The following SPRED2 variants were observed in gnomAD, a reference collection of about 807,000 sequenced individuals.
SPRED2 encodes sprouty-related, EVH1 domain-containing protein 2.
Under a neutral mutation model 43.0 loss-of-function variants are expected in SPRED2, and 47 were observed. The ratio of observed to expected loss-of-function variants is 1.09; its 90% confidence interval spans 0.87 to 1.40. The LOEUF (loss-of-function observed/expected upper bound fraction) is 1.40, where lower values mean the gene tolerates loss of function less well. Ranked by LOEUF, SPRED2 falls within the 40% of genes most tolerant of loss-of-function variation. The pLI, the probability that SPRED2 is intolerant of heterozygous loss-of-function variation, is 0.00. For synonymous variants in SPRED2, 225 were observed against 225.7 expected (o/e 1.00, Z 0.03); for missense variants, 561 against 586.4 (o/e 0.96, Z 0.45).
chr2:65,321,243 T>C (rs528381359), intron 4 of SPRED2, among the ~76,000 whole-genome samples: 59 of 152,272 alleles, frequency 3.9e-4, no homozygotes, highest in African/African-American at 1.2e-3. Context: ...GGCATTGCCA[T>C]CTGGCCCCAG....
chr2:65,322,362 C>T (rs1042334383), intron 4 of SPRED2, among the ~76,000 whole-genome samples: 28 of 141,868 alleles, frequency 2.0e-4, no homozygotes, highest in Non-Finnish European at 3.6e-4. Flanking sequence ...GGCACGATCT[C>T]GGCTCACTGT....
chr2:65,334,317 A>G (rs1223995463), intron 3 of SPRED2: 2 of 520,564 alleles, frequency 3.8e-6, no homozygotes, highest in Non-Finnish European at 7.7e-6. Flanking sequence ...GGACAAGGTG[A>G]AAGCAGTCAA....
intron 1 of SPRED2, among the ~76,000 whole-genome samples, chr2:65,358,475 T>C (rs1019249825): frequency 6.6e-6 from 1 of 152,226 alleles, no homozygotes; most frequent in Non-Finnish European, 1.5e-5. Flanking sequence ...GCCTTATCAG[T>C]TGACTCAACA....
intron 1 of SPRED2, among the ~76,000 whole-genome samples, chr2:65,362,064 G>A (rs772244563): frequency 4.6e-5 from 7 of 152,196 alleles, no homozygotes; most frequent in Non-Finnish European, 8.8e-5. Context: ...TCATCTCTTC[G>A]ATTGAAATCA....
chr2:65,351,970 G>C (rs1674525704), intron 1 of SPRED2, among the ~76,000 whole-genome samples: 2 of 152,194 alleles, frequency 1.3e-5, no homozygotes, highest in African/African-American at 4.8e-5. Flanking sequence ...ATGCATGGTG[G>C]TAACATGATT....
chr2:65,322,363 G>A (rs903370275), intron 4 of SPRED2, among the ~76,000 whole-genome samples: 2 of 137,940 alleles, frequency 1.4e-5, no homozygotes, highest in African/African-American at 2.7e-5. Context: ...GCACGATCTC[G>A]GCTCACTGTA....
At chr2:65,423,360 C>T (rs1227639980) in intron 1 of SPRED2, among the ~76,000 whole-genome samples, 1 of 152,182 alleles carries the variant, frequency 6.6e-6, no homozygotes, top group Admixed American at 6.5e-5. Flanking sequence ...CCTAAGAGAA[C>T]AGACAAGCTA....
chr2:65,372,233 C>T (rs561741231), intron 1 of SPRED2, among the ~76,000 whole-genome samples: 6 of 152,130 alleles, frequency 3.9e-5, no homozygotes, highest in African/African-American at 1.2e-4. Context: ...TTATCACACC[C>T]GTAAATTCTG....
intron 1 of SPRED2, among the ~76,000 whole-genome samples, chr2:65,373,163 G>T (rs1675169294): frequency 6.6e-6 from 1 of 152,174 alleles, no homozygotes; most frequent in South Asian, 2.1e-4. Flanking sequence ...CAGTAGCTTT[G>T]GCCTAGCTTT....
intron 1 of SPRED2, among the ~76,000 whole-genome samples, chr2:65,380,884 T>C (rs1344485409): frequency 2.0e-5 from 3 of 152,264 alleles, no homozygotes; most frequent in Admixed American, 6.5e-5. Context: ...ACATGTTATA[T>C]AGATTATGCT....
At chr2:65,322,502 C>T (rs376740188) in intron 4 of SPRED2, among the ~76,000 whole-genome samples, 1 of 151,894 alleles carries the variant, frequency 6.6e-6, no homozygotes, top group South Asian at 2.1e-4. Flanking sequence ...ACCTTGTTAG[C>T]CAGGATGGTC....
intron 1 of SPRED2, among the ~76,000 whole-genome samples, chr2:65,392,576 C>T (rs4303705): frequency 0.48 from 72,712 of 151,928 alleles, 18,327 homozygotes; most frequent in African/African-American, 0.63. Flanking sequence ...TTAAGGATTT[C>T]GTTTTTTTAG....
At chr2:65,341,597 G>A (rs752912477) in intron 2 of SPRED2, among the ~76,000 whole-genome samples, 3 of 152,156 alleles carry the variant, frequency 2.0e-5, no homozygotes, top group Non-Finnish European at 4.4e-5. Context: ...TCACTTCTTA[G>A]AGCATTGAGT....
In SPRED2 at chr2:65,313,973, T is replaced by C. The variant is rs1197335802; in HGVS notation, c.785A>G (p.His262Arg). The change falls in exon 6 of 6, where the codon CAT becomes CGT. Residue 262 changes from histidine (H) to arginine (R), a missense_variant. Around this residue, in one of 6 missense-constraint regions of SPRED2, gnomAD observed 164 missense variants for 164.1 expected, o/e 1.00. Coordinates refer to ENST00000356388, the MANE Select transcript of SPRED2 (RefSeq NM_181784.3). ...VRFAKGEVPKHDYNYPYVDSS... is the reference protein window; with the variant it reads ...VRFAKGEVPKRDYNYPYVDSS... The stretch of plus-strand genomic sequence containing the variant: ...GTCCACGTAGGGGTAGTTGTAGTCA[T>C]GCTTGGGGACCTCGCCCTTGGCGAA... 1 of 1,613,046 alleles carries C rather than the reference T, an allele frequency of 6.2e-7. No individual in the cohort carries two copies. Among genetic ancestry groups the C allele is most frequent in the Non-Finnish European group, 8.5e-7 (1 of 1,180,012 alleles).
intron 1 of SPRED2, 125 bp downstream of exon 1, chr2:65,431,837 A>C (rs867289840): frequency 8.5e-7 from 1 of 1,179,820 alleles, no homozygotes; most frequent in South Asian, 1.2e-5. Context: ...CCAACGCCGA[A>C]AGGTCAGCGA....
intron 1 of SPRED2, among the ~76,000 whole-genome samples, chr2:65,431,255 C>T (rs2103829295): frequency 6.6e-6 from 1 of 151,848 alleles, no homozygotes; most frequent in Non-Finnish European, 1.5e-5. Flanking sequence ...CGATGCCCCG[C>T]ACGCCCCCGC....
intron 1 of SPRED2, among the ~76,000 whole-genome samples, chr2:65,430,936 C>T (rs115810623): frequency 0.013 from 1,990 of 152,236 alleles, 48 homozygotes; most frequent in African/African-American, 0.044. Flanking sequence ...GCGGTGACCG[C>T]TCAAACCCCA....
chr2:65,307,345 G>A (rs141598764), downstream of SPRED2, among the ~76,000 whole-genome samples: 295 of 152,024 alleles, frequency 1.9e-3, 1 homozygote, highest in African/African-American at 6.8e-3. Context: ...ACAGGCATGC[G>A]CCACCACGCC....
chr2:65,341,927 A>C (rs919102294), intron 2 of SPRED2, among the ~76,000 whole-genome samples: 2 of 152,036 alleles, frequency 1.3e-5, no homozygotes, highest in African/African-American at 4.8e-5. Context: ...TATAAAAATA[A>C]GAACTAAAAG....
Sources: allele counts gnomAD v4.1 joint callset (sites outside exome capture counted in the v4.1 genomes callset), GRCh38; gene constraint gnomAD v4.1.1; regional missense constraint gnomAD v4.1.1; transcripts MANE v1.5; gene names NCBI Gene and HGNC (gene_info 2026-07-23, HGNC 2026-07-21).